The following CCDC171 variants were observed in gnomAD, a reference collection of about 807,000 sequenced individuals.
The protein encoded by CCDC171 is coiled-coil domain-containing protein 171.
A neutral mutation model predicts 168.2 loss-of-function variants in CCDC171; 177 were observed. That is an observed-to-expected ratio of 1.05 (90% CI 0.93 to 1.19). CCDC171 has a LOEUF of 1.19. Ranked by LOEUF, CCDC171 falls within the 50% of genes most tolerant of loss-of-function variation. CCDC171 has a pLI of 0.00. For synonymous variants in CCDC171, 687 were observed against 540.8 expected (o/e 1.27, Z -3.75); for missense variants, 1,991 against 1,539.0 (o/e 1.29, Z -4.91).
intron 18 of CCDC171, among the ~76,000 whole-genome samples, chr9:15,754,681 C>A (rs954598925): frequency 2.0e-5 from 3 of 152,034 alleles, no homozygotes; most frequent in Non-Finnish European, 4.4e-5. Context: ...AGCTGTGTGA[C>A]CTTGGGCAAG....
chr9:15,986,467 T>G (rs1831991756), intron 3 of CCDC171, among the ~76,000 whole-genome samples: 1 of 152,206 alleles, frequency 6.6e-6, no homozygotes, highest in African/African-American at 2.4e-5. Context: ...ATGCAGCGGG[T>G]GTAACAGCAA....
intron 3 of CCDC171, among the ~76,000 whole-genome samples, chr9:15,999,314 AAAG>A (rs200523870): frequency 6.7e-6 from 1 of 149,824 alleles, no homozygotes; most frequent in South Asian, 2.1e-4. Flanking sequence ...AAGGAAAAAG[AAAG>A]AAAAGAAAAG....
rs918404931 is a variant in CCDC171 at position 15,773,740 on chromosome 9, A to C, written c.2672-3860A>C. Among the ~76,000 whole-genome samples, 7 of 152,152 alleles carry C rather than the reference A, an allele frequency of 4.6e-5. No homozygotes were observed. In the South Asian group the frequency reaches 1.5e-3, roughly 32 times the overall value. ...TTTTTCATTTATTTAATATAGAATG[A>C]ATTGCACTCTGACCCAAAAGAAATG... is the stretch of plus-strand genomic sequence containing the variant. On this transcript the variant is annotated intron_variant, in intron 18 of 25. Coordinates refer to ENST00000380701, the MANE Select transcript of CCDC171 (RefSeq NM_173550.4).
chr9:15,860,287 TTTCC>T (rs1168852486), intron 23 of CCDC171, among the ~76,000 whole-genome samples: 1 of 151,784 alleles, frequency 6.6e-6, no homozygotes, highest in Non-Finnish European at 1.5e-5. Flanking sequence ...ATCTTTATTA[TTTCC>T]TTCCTTCTGC....
chr9:15,792,847 C>A (rs944592112), intron 21 of CCDC171, among the ~76,000 whole-genome samples: 1 of 152,000 alleles, frequency 6.6e-6, no homozygotes, highest in Non-Finnish European at 1.5e-5. Context: ...AAGGAACAAC[C>A]AGTACCAGCC....
chr9:15,703,144 G>C (rs188747895), intron 11 of CCDC171, among the ~76,000 whole-genome samples: 1 of 152,044 alleles, frequency 6.6e-6, no homozygotes, highest in African/African-American at 2.4e-5. Flanking sequence ...GACCTTAAGC[G>C]GTCTGCCCGC....
At chr9:16,105,244 A>T in the CCDC171 span, among the ~76,000 whole-genome samples, 1 of 152,210 alleles carries the variant, frequency 6.6e-6, no homozygotes, top group African/African-American at 2.4e-5. Flanking sequence ...TAGAGGATAG[A>T]AGGGACATTT....
At chr9:16,053,532 G>T (rs58538273) in intron 1 of CCDC171, among the ~76,000 whole-genome samples, 7,825 of 152,274 alleles carry the variant, frequency 0.051, 269 homozygotes, top group South Asian at 0.12. Flanking sequence ...AGGATATGAG[G>T]GTGCATGGCA....
At chr9:15,832,001 T>G (rs2060253943) in intron 21 of CCDC171, among the ~76,000 whole-genome samples, 1 of 152,128 alleles carries the variant, frequency 6.6e-6, no homozygotes, top group Non-Finnish European at 1.5e-5. Flanking sequence ...TCTTACTTTT[T>G]TGTCTTTTTT....
chr9:15,602,449 C>G (rs1015574263), intron 6 of CCDC171, among the ~76,000 whole-genome samples: 1 of 151,972 alleles, frequency 6.6e-6, no homozygotes, highest in Non-Finnish European at 1.5e-5. Flanking sequence ...ATATTTCTCT[C>G]ATCTGGGCTT....
intron 21 of CCDC171, among the ~76,000 whole-genome samples, chr9:15,844,784 A>G (rs889986209): frequency 2.6e-5 from 4 of 152,106 alleles, no homozygotes; most frequent in Admixed American, 6.6e-5. Flanking sequence ...GTTATGAGGT[A>G]TATCTTCTTT....
At chr9:15,687,709 C>T (rs1413402233) in intron 10 of CCDC171, among the ~76,000 whole-genome samples, 1 of 152,050 alleles carries the variant, frequency 6.6e-6, no homozygotes, top group East Asian at 1.9e-4. Context: ...AACTACTGAC[C>T]ACGCAGAAAT....
At chr9:16,066,237 G>T (rs1022891198), downstream of CCDC171, among the ~76,000 whole-genome samples, 2 of 152,184 alleles carry the variant, frequency 1.3e-5, no homozygotes, top group African/African-American at 4.8e-5. Flanking sequence ...AACAGTGTGA[G>T]CATTGCCCCT....
chr9:15,948,194 A>T (rs1267140187), intron 25 of CCDC171, among the ~76,000 whole-genome samples: 1 of 151,198 alleles, frequency 6.6e-6, no homozygotes, highest in Admixed American at 6.6e-5. Context: ...CATGGTGCAT[A>T]TGTGCCACAT....
intron 6 of CCDC171, among the ~76,000 whole-genome samples, chr9:15,612,432 G>A (rs2043765276): frequency 6.6e-6 from 1 of 152,062 alleles, no homozygotes; most frequent in Non-Finnish European, 1.5e-5. Context: ...CATTTAAGTG[G>A]TGTTTTAGGA....
At chr9:15,618,261 C>A (rs530704886) in intron 6 of CCDC171, among the ~76,000 whole-genome samples, 6 of 152,208 alleles carry the variant, frequency 3.9e-5, no homozygotes, top group Non-Finnish European at 7.3e-5. Context: ...GCCACAGCCA[C>A]TTTGCTTTGC....
rs200838363 is a variant in CCDC171 at position 15,559,531 on chromosome 9, C to G, written c.-111-4447C>G. Among the ~76,000 whole-genome samples the G allele has an allele frequency of 2.0e-5, 3 of 152,108 alleles. No homozygotes were observed. In the South Asian group the frequency reaches 6.2e-4, roughly 32 times the overall value. ...TGATCTTTGTTAGTTTAAAGTCTGT[C>G]TTATCAGAGATTAGGATTGCAACCC... On this transcript the variant is annotated intron_variant, in intron 1 of 25. Coordinates refer to ENST00000380701, the MANE Select transcript of CCDC171 (RefSeq NM_173550.4).
At chr9:15,787,189 A>G (rs886864899) in intron 21 of CCDC171, among the ~76,000 whole-genome samples, 6 of 152,304 alleles carry the variant, frequency 3.9e-5, no homozygotes, top group African/African-American at 1.4e-4. Flanking sequence ...GAATGATCAA[A>G]TCAGGCTAAC....
intron 11 of CCDC171, among the ~76,000 whole-genome samples, chr9:15,698,327 C>T (rs1167818924): frequency 6.6e-6 from 1 of 152,058 alleles, no homozygotes; most frequent in Non-Finnish European, 1.5e-5. Context: ...TGAGACCATC[C>T]TGGCTAACAC....
Sources: gnomAD v4.1 joint callset for allele counts (sites outside exome capture counted in the v4.1 genomes callset) on GRCh38, gnomAD v4.1.1 for gene constraint, MANE v1.5 for transcripts, NCBI Gene and HGNC (gene_info 2026-07-23, HGNC 2026-07-21) for gene names.